LRMDA: variants seen among roughly 807,000 people sequenced by gnomAD.
LRMDA encodes leucine-rich melanocyte differentiation-associated protein.
A neutral mutation model predicts 29.8 loss-of-function variants in LRMDA; 18 were observed. That is an observed-to-expected ratio of 0.60 (90% CI 0.42 to 0.90). The LOEUF is 0.90. Ranked by LOEUF, LRMDA falls within the 40% of genes least tolerant of loss-of-function variation. The pLI, the probability that LRMDA is intolerant of heterozygous loss-of-function variation, is 0.00. For synonymous variants in LRMDA, 125 were observed against 109.4 expected (o/e 1.14, Z -0.89); for missense variants, 273 against 273.9 (o/e 1.00, Z 0.02).
intron 2 of LRMDA, among the ~76,000 whole-genome samples, chr10:75,885,568 G>A (rs1204527586): frequency 6.6e-6 from 1 of 152,198 alleles, no homozygotes; most frequent in Non-Finnish European, 1.5e-5. Flanking sequence ...GGAAATGGAA[G>A]TGATGGCTTA....
At chr10:76,384,783 T>C (rs1841640368) in intron 6 of LRMDA, among the ~76,000 whole-genome samples, 1 of 152,218 alleles carries the variant, frequency 6.6e-6, no homozygotes, top group South Asian at 2.1e-4. Context: ...CATGTGTTAA[T>C]ATTGAAAACC....
intron 2 of LRMDA, among the ~76,000 whole-genome samples, chr10:76,018,190 C>A (rs1235131112): frequency 6.6e-6 from 1 of 152,190 alleles, no homozygotes; most frequent in East Asian, 1.9e-4. Flanking sequence ...CGATCTAATC[C>A]AGGGTTTCTT....
At chr10:75,738,606 C>T (rs1196874853) in intron 2 of LRMDA, among the ~76,000 whole-genome samples, 1 of 152,092 alleles carries the variant, frequency 6.6e-6, no homozygotes, top group Non-Finnish European at 1.5e-5. Context: ...TGGCTGATTC[C>T]TCTGTGCCCA....
Position 75,560,607 on chromosome 10 carries a change from G to T in LRMDA, c.131+122113G>T, listed in dbSNP as rs1295164717. ...TGGTGAGAGAGGGCATCCTTGTCTT[G>T]TGCCAGTTTTCAAAGGGAATGCTTC... On this transcript the variant is annotated intron_variant, in intron 2 of 6. Transcript: ENST00000611255. Among the ~76,000 whole-genome samples, 5 of 151,312 alleles carry T rather than the reference G, an allele frequency of 3.3e-5. No individual in the cohort carries two copies. The East Asian group carries it at 9.7e-4, about 29-fold the overall frequency.
intron 2 of LRMDA, among the ~76,000 whole-genome samples, chr10:75,936,034 A>G (rs1846285894): frequency 6.6e-6 from 1 of 151,938 alleles, no homozygotes; most frequent in South Asian, 2.1e-4. Context: ...TAAAAGACTG[A>G]TTATAAGTGA....
chr10:75,663,593 G>A (rs1337433760), intron 2 of LRMDA, among the ~76,000 whole-genome samples: 1 of 152,180 alleles, frequency 6.6e-6, no homozygotes, highest in Admixed American at 6.5e-5. Flanking sequence ...GGGATGACCT[G>A]AGCAGGGTGT....
chr10:75,497,727 C>T (rs1328750187), intron 2 of LRMDA, among the ~76,000 whole-genome samples: 3 of 151,568 alleles, frequency 2.0e-5, no homozygotes, highest in Non-Finnish European at 2.9e-5. Context: ...TTTTTGTGTA[C>T]GTGAGGCTTC....
chr10:75,843,284 A>G (rs1275368663), intron 2 of LRMDA, among the ~76,000 whole-genome samples: 1 of 152,254 alleles, frequency 6.6e-6, no homozygotes, highest in East Asian at 1.9e-4. Context: ...CTCAATGCAT[A>G]CGGTTTCCTG....
chr10:76,194,051 A>C (rs183035573), intron 5 of LRMDA, among the ~76,000 whole-genome samples: 1 of 152,336 alleles, frequency 6.6e-6, no homozygotes, highest in Admixed American at 6.5e-5. Flanking sequence ...GGGACAGGAT[A>C]TAGCAGAAAA....
Position 75,453,533 on chromosome 10 carries a change from T to C in LRMDA, c.131+15039T>C, listed in dbSNP as rs557986962. Among the ~76,000 whole-genome samples the C allele has an allele frequency of 5.9e-5, 9 of 152,364 alleles. 1 individual carries two copies. In the South Asian group the frequency reaches 1.9e-3, roughly 32 times the overall value. ...GCTGTTTGCAAAGGTGCCATTTTTTTCCCGAAGACTTTTCTATTTCACTTA... is the reference window on the plus strand; with the variant it reads ...GCTGTTTGCAAAGGTGCCATTTTTTCCCCGAAGACTTTTCTATTTCACTTA... On this transcript the variant is annotated intron_variant, in intron 2 of 6. Transcript: ENST00000611255.
At chr10:76,536,141 A>G (rs903479738) in intron 6 of LRMDA, among the ~76,000 whole-genome samples, 2 of 152,112 alleles carry the variant, frequency 1.3e-5, no homozygotes, top group Admixed American at 1.3e-4. Flanking sequence ...TCATCCCTCA[A>G]TACTTCGGCA....
chr10:75,557,530 A>G (rs1299592735), intron 2 of LRMDA, among the ~76,000 whole-genome samples: 6 of 152,268 alleles, frequency 3.9e-5, no homozygotes, highest in South Asian at 2.1e-4. Flanking sequence ...CATTGATACT[A>G]TGGGCAAGAT....
At chr10:75,719,594 G>A (rs1454997610) in intron 2 of LRMDA, among the ~76,000 whole-genome samples, 1 of 152,170 alleles carries the variant, frequency 6.6e-6, no homozygotes, top group Admixed American at 6.5e-5. Context: ...TTGGTCATGT[G>A]TTATTCTCCC....
At chr10:75,550,185 C>A (rs562689683) in intron 2 of LRMDA, among the ~76,000 whole-genome samples, 1 of 152,070 alleles carries the variant, frequency 6.6e-6, no homozygotes, top group South Asian at 2.1e-4. Flanking sequence ...TGGTTGGAAT[C>A]GTCTATAGAT....
chr10:76,085,220 A>G (rs956342679), intron 5 of LRMDA, among the ~76,000 whole-genome samples: 2 of 152,240 alleles, frequency 1.3e-5, no homozygotes, highest in Admixed American at 1.3e-4. Context: ...GCATATGGAC[A>G]GGAAATCACT....
At chr10:76,476,836 G>C (rs1004603389) in intron 6 of LRMDA, among the ~76,000 whole-genome samples, 5 of 152,086 alleles carry the variant, frequency 3.3e-5, no homozygotes, top group Non-Finnish European at 5.9e-5. Flanking sequence ...AAAGGCCTTT[G>C]ACAAAATTCA....
intron 5 of LRMDA, among the ~76,000 whole-genome samples, chr10:76,221,436 A>G (rs1464070028): frequency 2.0e-5 from 3 of 152,202 alleles, no homozygotes; most frequent in Admixed American, 1.3e-4. Flanking sequence ...TCAGGATACA[A>G]AACCAATGTA....
intron 2 of LRMDA, among the ~76,000 whole-genome samples, chr10:75,679,039 A>G (rs188967305): frequency 2.2e-4 from 33 of 152,312 alleles, no homozygotes; most frequent in African/African-American, 7.2e-4. Context: ...CATTAAACAC[A>G]GAGCCCTCCT....
chr10:76,162,681 G>A (rs1317354770), intron 5 of LRMDA, among the ~76,000 whole-genome samples: 2 of 152,100 alleles, frequency 1.3e-5, no homozygotes, highest in African/African-American at 2.4e-5. Context: ...TGGTGCTGAG[G>A]CATTTGTGAG....
Sources: gnomAD v4.1 joint callset for allele counts (sites outside exome capture counted in the v4.1 genomes callset) on GRCh38, gnomAD v4.1.1 for gene constraint, MANE v1.5 for transcripts, NCBI Gene and HGNC (gene_info 2026-07-23, HGNC 2026-07-21) for gene names.